EPHA3: variants seen among roughly 807,000 people sequenced by gnomAD.
EPHA3 encodes the protein ephrin type-A receptor 3.
EPHA3 carries 42 observed loss-of-function variants against 107.1 expected under a neutral mutation model. The ratio of observed to expected loss-of-function variants is 0.39; its 90% CI spans 0.31 to 0.51. The LOEUF is 0.51. EPHA3 is among the 20% of genes least tolerant of loss of function. The pLI, the probability that EPHA3 is intolerant of heterozygous loss-of-function variation, is 0.78. For missense variants in EPHA3, 1,183 were observed against 1,211.2 expected (o/e 0.98, Z 0.35); for synonymous variants, 461 against 424.8 (o/e 1.09, Z -1.05).
intron 3 of EPHA3, among the ~76,000 whole-genome samples, chr3:89,323,974 A>G (rs1249138030): frequency 6.6e-6 from 1 of 151,930 alleles, no homozygotes; most frequent in African/African-American, 2.4e-5. Context: ...TTGCAGTACA[A>G]ATACTATAAA....
intron 2 of EPHA3, among the ~76,000 whole-genome samples, chr3:89,130,727 C>T (rs1276988995): frequency 4.0e-5 from 6 of 151,854 alleles, no homozygotes; most frequent in Non-Finnish European, 5.9e-5. Flanking sequence ...CTCCGCCTCC[C>T]GGGTTCACGC....
At chr3:89,126,157 C>T (rs535104257) in intron 1 of EPHA3, among the ~76,000 whole-genome samples, 45 of 151,512 alleles carry the variant, frequency 3.0e-4, no homozygotes, top group African/African-American at 9.6e-4. Context: ...AAAATGATTC[C>T]CTTCTATTGT....
At chr3:89,204,855 A>G (rs1706062777) in intron 2 of EPHA3, among the ~76,000 whole-genome samples, 1 of 152,192 alleles carries the variant, frequency 6.6e-6, no homozygotes, top group African/African-American at 2.4e-5. Flanking sequence ...GGGGAAATAA[A>G]CATAAGAATA....
chr3:89,423,056 A>G (rs1709384946), intron 11 of EPHA3, among the ~76,000 whole-genome samples: 1 of 151,430 alleles, frequency 6.6e-6, no homozygotes, highest in Non-Finnish European at 1.5e-5. Context: ...TTCTGCCATC[A>G]CACCATTAGT....
At chr3:89,163,018 G>T (rs1295816325) in intron 2 of EPHA3, among the ~76,000 whole-genome samples, 1 of 152,132 alleles carries the variant, frequency 6.6e-6, no homozygotes, top group Non-Finnish European at 1.5e-5. Flanking sequence ...TTCATACTAA[G>T]ATATAAATGA....
chr3:89,334,197 A>G (rs1483599117), intron 3 of EPHA3, among the ~76,000 whole-genome samples: 2 of 152,170 alleles, frequency 1.3e-5, no homozygotes, highest in Non-Finnish European at 2.9e-5. Flanking sequence ...TTGGCAGTCA[A>G]TGTATATCAT....
chr3:89,217,076 G>A (rs1158726680), intron 3 of EPHA3, among the ~76,000 whole-genome samples: 1 of 151,876 alleles, frequency 6.6e-6, no homozygotes, highest in Non-Finnish European at 1.5e-5. Flanking sequence ...TTTCACTTCT[G>A]TCTGTGTTTA....
At chr3:89,147,149 C>T (rs1427460020) in intron 2 of EPHA3, among the ~76,000 whole-genome samples, 1 of 151,566 alleles carries the variant, frequency 6.6e-6, no homozygotes, top group Non-Finnish European at 1.5e-5. Context: ...AACACATGAA[C>T]ACAGGAAGGG....
chr3:89,160,569 TGTGTGTGTGTGTGTGTGTGTGC>T (rs1704909322), intron 2 of EPHA3, among the ~76,000 whole-genome samples: 1 of 137,100 alleles, frequency 7.3e-6, no homozygotes, highest in Admixed American at 8.3e-5. Context: ...TGTGTGTGTG[TGTGTGTGTGTGTGTGTGTGTGC>T]GCGCATTCTT....
At chr3:89,135,562 T>C (rs1704292944) in intron 2 of EPHA3, among the ~76,000 whole-genome samples, 1 of 152,118 alleles carries the variant, frequency 6.6e-6, no homozygotes, top group Admixed American at 6.6e-5. Context: ...ACTATATTAC[T>C]TGAAATAATG....
intron 2 of EPHA3, among the ~76,000 whole-genome samples, chr3:89,193,665 A>G (rs1705771042): frequency 6.6e-6 from 1 of 152,034 alleles, no homozygotes; most frequent in Non-Finnish European, 1.5e-5. Flanking sequence ...TGTACATTAT[A>G]TATTCCAAAA....
intron 3 of EPHA3, among the ~76,000 whole-genome samples, chr3:89,301,991 C>A (rs939940539): frequency 6.6e-6 from 1 of 152,108 alleles, no homozygotes; most frequent in African/African-American, 2.4e-5. Context: ...ATGTGGCTAC[C>A]TCACTGCCTT....
intron 7 of EPHA3, 73 bp downstream of exon 7, chr3:89,399,553 A>G (rs774256881): frequency 1.9e-6 from 3 of 1,575,296 alleles, no homozygotes; most frequent in African/African-American, 1.3e-5. Context: ...GTTTATTCTC[A>G]CTGTTTCTAA....
intron 3 of EPHA3, among the ~76,000 whole-genome samples, chr3:89,270,758 G>T (rs879276534): frequency 1.3e-5 from 2 of 151,896 alleles, no homozygotes; most frequent in African/African-American, 2.4e-5. Flanking sequence ...GATAAAAATT[G>T]TCTGTGCTTT....
At chr3:89,393,886 C>T (rs1238546821) in intron 5 of EPHA3, among the ~76,000 whole-genome samples, 2 of 151,906 alleles carry the variant, frequency 1.3e-5, no homozygotes, top group African/African-American at 4.8e-5. Context: ...AGAAAAATAA[C>T]TTATCTTTTG....
chr3:89,145,990 T>A (rs558007628), intron 2 of EPHA3, among the ~76,000 whole-genome samples: 2 of 151,930 alleles, frequency 1.3e-5, no homozygotes, highest in African/African-American at 4.8e-5. Context: ...GGAAAGGAAA[T>A]CCTTACAGTA....
At chr3:89,247,044 A>G (rs1287452128) in intron 3 of EPHA3, among the ~76,000 whole-genome samples, 1 of 152,202 alleles carries the variant, frequency 6.6e-6, no homozygotes. Context: ...CCATTCAACG[A>G]GTACTTCTTG....
intron 3 of EPHA3, among the ~76,000 whole-genome samples, chr3:89,247,852 GGAT>G (rs1230522109): frequency 6.6e-6 from 1 of 152,060 alleles, no homozygotes. Flanking sequence ...TCTAGAGAGT[GGAT>G]GAAATTGTCT....
At chr3:89,227,783 G>T (rs984293807) in intron 3 of EPHA3, among the ~76,000 whole-genome samples, 5 of 151,974 alleles carry the variant, frequency 3.3e-5, no homozygotes, top group African/African-American at 1.2e-4. Context: ...GAACATGATG[G>T]CTGTTATTTT....
Sources: gnomAD v4.1 joint callset for allele counts (sites outside exome capture counted in the v4.1 genomes callset) on GRCh38, gnomAD v4.1.1 for gene constraint, MANE v1.5 for transcripts, NCBI Gene and HGNC (gene_info 2026-07-23, HGNC 2026-07-21) for gene names.